The following UACA variants were observed in gnomAD, a reference collection of about 807,000 sequenced individuals.
UACA encodes nuclear membrane binding protein.
A neutral mutation model predicts 160.5 loss-of-function variants in UACA; 112 were observed. The observed-to-expected ratio is 0.70, with a 90% CI of 0.60 to 0.82. The LOEUF (loss-of-function observed/expected upper bound fraction) is 0.82. UACA is among the 40% of genes least tolerant of loss of function. The pLI is 0.00. For missense variants in UACA, 1,574 were observed against 1,614.6 expected, an observed-to-expected ratio of 0.97 and a Z score of 0.43; for synonymous variants, 557 against 568.4, an observed-to-expected ratio of 0.98 and a Z score of 0.29.
intron 1 of UACA, among the ~76,000 whole-genome samples, chr15:70,744,054 CTAA>C (rs1283483717): frequency 6.6e-6 from 1 of 151,910 alleles, no homozygotes; most frequent in Non-Finnish European, 1.5e-5. Flanking sequence ...ACCATCCTGG[CTAA>C]CACGGTGAAA....
intron 1 of UACA, among the ~76,000 whole-genome samples, chr15:70,750,467 G>A (rs2029977596): frequency 6.6e-6 from 1 of 151,974 alleles, no homozygotes; most frequent in Non-Finnish European, 1.5e-5. Flanking sequence ...CCCCAGCTCT[G>A]AGCTCCGTGA....
At chr15:70,672,038 C>T (rs370080624) in intron 13 of UACA, 37 bp from the exon 14 acceptor site, 60 of 1,565,696 alleles carry the variant, frequency 3.8e-5, no homozygotes, top group Admixed American at 5.5e-5. Flanking sequence ...AGGGTGAATG[C>T]TGCCTCATTT....
At chr15:70,761,073 T>C (rs1163848708) in intron 1 of UACA, among the ~76,000 whole-genome samples, 1 of 152,120 alleles carries the variant, frequency 6.6e-6, no homozygotes, top group East Asian at 1.9e-4. Context: ...AATCACAGAA[T>C]TGTACATTAC....
intron 1 of UACA, among the ~76,000 whole-genome samples, chr15:70,712,060 A>G (rs946048874): frequency 1.3e-5 from 2 of 149,564 alleles, no homozygotes; most frequent in Non-Finnish European, 2.9e-5. Flanking sequence ...GCATATATAT[A>G]TATATATCTC....
intron 9 of UACA, chr15:70,681,490 T>C (rs1897504156): frequency 6.6e-6 from 1 of 152,234 alleles, no homozygotes; most frequent in East Asian, 1.9e-4. Flanking sequence ...ACTCCTTGTA[T>C]TCACTTCAAT....
At chr15:70,702,247 C>G in intron 1 of UACA, 2 of 1,076,606 alleles carry the variant, frequency 1.9e-6, no homozygotes, top group Non-Finnish European at 2.3e-6. Flanking sequence ...CACTGGAAAA[C>G]TTGAACAGCA....
At chr15:70,709,433 A>G (rs1247555996) in intron 1 of UACA, among the ~76,000 whole-genome samples, 1 of 152,214 alleles carries the variant, frequency 6.6e-6, no homozygotes, top group Non-Finnish European at 1.5e-5. Context: ...AAAAGAAATC[A>G]CAAGTTTTGA....
chr15:70,660,467 CA>C (rs2140883848), intron 17 of UACA: 2 of 449,970 alleles, frequency 4.4e-6, no homozygotes, highest in South Asian at 7.3e-5. Flanking sequence ...TGCTTTAGTT[CA>C]TATCTAGTGC....
chr15:70,680,840 A>G (rs1286705891), intron 9 of UACA, among the ~76,000 whole-genome samples: 1 of 151,880 alleles, frequency 6.6e-6, no homozygotes, highest in Non-Finnish European at 1.5e-5. Flanking sequence ...TGCACCACTG[A>G]TTGGGGTGCA....
At chr15:70,718,142 T>C (rs1898875473) in intron 1 of UACA, among the ~76,000 whole-genome samples, 1 of 151,586 alleles carries the variant, frequency 6.6e-6, no homozygotes. Context: ...AAAAGGGATA[T>C]ACTCTGATTT....
In UACA at chr15:70,666,702, G is replaced by A. The variant is rs192393047; in HGVS notation, c.3960+22C>T. The stretch of plus-strand genomic sequence containing the variant: ...GCTCTGGGGTTTCCAACACATAGCC[G>A]TGCAGACTACTTTGTACCTACCTTA... On this transcript the variant is annotated intron_variant, in intron 16 of 18. Transcript: ENST00000322954. 192 of 1,559,420 alleles carry A rather than the reference G, an allele frequency of 1.2e-4. 1 individual carries two copies. Among genetic ancestry groups the A allele is most frequent in the Non-Finnish European group, 1.5e-4 (178 of 1,155,150 alleles).
chr15:70,720,048 T>C (rs547358726), intron 1 of UACA, among the ~76,000 whole-genome samples: 2 of 152,308 alleles, frequency 1.3e-5, no homozygotes, highest in South Asian at 2.1e-4. Context: ...GACTGGATCA[T>C]GGAGGCAGAT....
At chr15:70,773,393 GGATAATGACAA>G in the UACA span, among the ~76,000 whole-genome samples, 1 of 152,280 alleles carries the variant, frequency 6.6e-6, no homozygotes, top group Admixed American at 6.5e-5. Flanking sequence ...GATAGCAGCT[GGATAATGACAA>G]GACATCAGTG....
upstream of UACA, among the ~76,000 whole-genome samples, chr15:70,765,528 A>G (rs1328538322): frequency 2.0e-5 from 3 of 152,192 alleles, no homozygotes; most frequent in Non-Finnish European, 4.4e-5. Context: ...CTCATATGAT[A>G]CTAACACATA....
chr15:70,684,552 C>G (rs1032557491), intron 7 of UACA, 106 bp from the exon 8 acceptor site: 16 of 1,161,398 alleles, frequency 1.4e-5, no homozygotes, highest in Admixed American at 2.6e-5. Flanking sequence ...ACTGGATAAA[C>G]TAGATTATAT....
At chr15:70,705,191 G>A (rs1898488863) in intron 1 of UACA, among the ~76,000 whole-genome samples, 1 of 152,006 alleles carries the variant, frequency 6.6e-6, no homozygotes, top group Non-Finnish European at 1.5e-5. Context: ...GGCATATTTA[G>A]TTTGCTTTAA....
intron 1 of UACA, among the ~76,000 whole-genome samples, chr15:70,719,817 C>T (rs1243356282): frequency 1.3e-5 from 2 of 152,170 alleles, no homozygotes; most frequent in Admixed American, 6.5e-5. Flanking sequence ...GGTGAATAAT[C>T]GAGGAAAATC....
chr15:70,670,951 T>C, intron 15 of UACA, 88 bp downstream of exon 15: 2 of 715,502 alleles, frequency 2.8e-6, no homozygotes, highest in Non-Finnish European at 4.4e-6. Context: ...ATATACTTAA[T>C]GTACAATGCC....
Position 70,664,690 on chromosome 15 carries a change from T to A in UACA, c.4085A>T (p.Gln1362Leu). The A allele has an allele frequency of 4.3e-6, 7 of 1,611,414 alleles. No homozygotes were observed. The change falls in exon 17 of 19, where the codon CAA becomes CTA. Residue 1362 changes from glutamine (Q) to leucine (L), a missense_variant. Coordinates refer to ENST00000322954, the MANE Select transcript of UACA (RefSeq NM_018003.4). ...QSQLIDTLQH[Q>L]VKSLEQQLAD... The stretch of plus-strand genomic sequence containing the variant: ...CAGCTGTTGCTCCAGAGATTTCACT[T>A]GGTGCTGCAGAGTGTCAATCAGCTG...
Sources: allele counts gnomAD v4.1 joint callset (sites outside exome capture counted in the v4.1 genomes callset), GRCh38; gene constraint gnomAD v4.1.1; transcripts MANE v1.5; gene names NCBI Gene and HGNC (gene_info 2026-07-23, HGNC 2026-07-21).